Variants in SEC13 observed in about 807,000 individuals in gnomAD.
The protein encoded by SEC13 is protein SEC13 homolog.
In SEC13, 25 loss-of-function variants were observed where a neutral mutation model predicts 49.2. That is an observed-to-expected ratio of 0.51 (90% confidence interval 0.37 to 0.71). The LOEUF (loss-of-function observed/expected upper bound fraction) is 0.71, where lower values mean the gene tolerates loss of function less well. SEC13 is among the 30% of genes least tolerant of loss of function. The pLI is 0.00. For synonymous variants in SEC13, 148 were observed against 163.9 expected (o/e 0.90, Z 0.74); for missense variants, 383 against 417.6 (o/e 0.92, Z 0.72).
chr3:10,311,881 C>A (rs769198879), intron 5 of SEC13, 84 bp downstream of exon 5: 69 of 1,612,432 alleles, frequency 4.3e-5, no homozygotes, highest in Non-Finnish European at 5.9e-5. Context: ...CGGGGACCCT[C>A]CCGTGCCACC....
intron 1 of SEC13, among the ~76,000 whole-genome samples, chr3:10,318,920 T>G (rs2059712152): frequency 1.3e-5 from 2 of 152,358 alleles, no homozygotes; most frequent in South Asian, 4.1e-4. Flanking sequence ...GGTGAGCTCC[T>G]TGGAGCCATG....
chr3:10,312,020 A>G lies in SEC13; in HGVS notation c.395T>C (p.Leu132Pro). 1 of 1,614,152 alleles carries G rather than the reference A, an allele frequency of 6.2e-7. No individual in the cohort carries two copies. The highest frequency in any genetic ancestry group is 8.5e-7 in the Non-Finnish European group (1 of 1,180,018). The change falls in exon 5 of 9, where the codon CTG becomes CCG. Residue 132 changes from leucine to proline, a missense_variant. By Grantham distance (98) the Leu-to-Pro change is moderately conservative (BLOSUM62 -3). Transcript: ENST00000350697. ...CCATTGGCCTTCCCCGGTGTAAGTCAGCAGGGAGATGGCCCCATCCGAGCT... is the reference window on the plus strand; with the variant it reads ...CCATTGGCCTTCCCCGGTGTAAGTCGGCAGGGAGATGGCCCCATCCGAGCT... ...CGSSDGAISL[L>P]TYTGEGQWEV...
At chr3:10,304,304 G>C in intron 7 of SEC13, 132 bp from the exon 8 acceptor site, 3 of 790,894 alleles carry the variant, frequency 3.8e-6, no homozygotes, top group Non-Finnish European at 6.2e-6. Context: ...GGGAGCCGAG[G>C]ACCTCTGGGG....
At chr3:10,314,651 A>G (rs1040739623) in intron 3 of SEC13, among the ~76,000 whole-genome samples, 4 of 152,228 alleles carry the variant, frequency 2.6e-5, no homozygotes, top group Non-Finnish European at 5.9e-5. Context: ...CAAACCCACA[A>G]ATACGTGAAA....
At position 10,319,866 on chromosome 3, in the gene SEC13, G is replaced by A. The variant is rs1658710; in HGVS notation, c.3+1184C>T. ...AGGACGGAAGGAAGGAGGAAGGGCGGGAGAGAAAGGGAGAGGGAGAGGAAG... is the reference window on the plus strand; with the variant it reads ...AGGACGGAAGGAAGGAGGAAGGGCGAGAGAGAAAGGGAGAGGGAGAGGAAG... On this transcript the variant is annotated intron_variant, in intron 1 of 8. Transcript: ENST00000350697. Among the ~76,000 whole-genome samples the A allele has an allele frequency of 1.4e-3, 36 of 25,286 alleles. 2 individuals are homozygous for A. The highest frequency in any genetic ancestry group is 2.8e-3 in the African/African-American group (20 of 7,222). 16.6% of individuals were successfully genotyped at this position (25,286 alleles called of 152,430 possible).
chr3:10,305,302 A>AC, intron 6 of SEC13, 146 bp from the exon 7 acceptor site: 2 of 1,248,832 alleles, frequency 1.6e-6, no homozygotes, highest in Non-Finnish European at 2.1e-6. Flanking sequence ...TATTCCCTTC[A>AC]CCCCAGCTGT....
At chr3:10,319,313 A>T (rs2059722479) in intron 1 of SEC13, 2 of 1,583,650 alleles carry the variant, frequency 1.3e-6, no homozygotes, top group East Asian at 4.5e-5. Context: ...CAGGTCCCCG[A>T]AGTCTGCAAA....
chr3:10,305,803 A>C lies in SEC13; in HGVS notation c.451-111T>G. 3.3e-6 allele frequency: 4 copies of C among 1,195,896 alleles called. No individual in the cohort carries two copies. In the South Asian group the frequency reaches 5.5e-5, roughly 17 times the overall value. The allele number at this position is 1,195,896 out of a possible 1,614,324, so 74.1% of individuals were successfully genotyped here. ...CTTCTCAGGACTGGAGTGTGTGTGAAGGCTGACATGAAGCACTCATCATGG... is the reference window on the plus strand; with the variant it reads ...CTTCTCAGGACTGGAGTGTGTGTGACGGCTGACATGAAGCACTCATCATGG... On this transcript the variant is annotated intron_variant, in intron 5 of 8. Transcript: ENST00000350697.
chr3:10,303,285 G>C (rs181742409), intron 8 of SEC13, among the ~76,000 whole-genome samples: 314 of 152,274 alleles, frequency 2.1e-3, no homozygotes, highest in Non-Finnish European at 3.7e-3. Flanking sequence ...AGATGTGCCT[G>C]AAAACGCAGC....
intron 8 of SEC13, among the ~76,000 whole-genome samples, chr3:10,302,266 C>T (rs373422218): frequency 7.2e-5 from 11 of 152,200 alleles, no homozygotes; most frequent in African/African-American, 2.6e-4. Context: ...CAAAAACAAT[C>T]TAAACCTATG....
intron 2 of SEC13, among the ~76,000 whole-genome samples, chr3:10,316,366 T>C (rs1322641456): frequency 6.6e-6 from 1 of 152,202 alleles, no homozygotes; most frequent in Non-Finnish European, 1.5e-5. Context: ...ACTCATTCTG[T>C]CTGGCTCAGA....
intron 7 of SEC13, 81 bp downstream of exon 7, chr3:10,304,952 G>A: frequency 6.3e-7 from 1 of 1,599,838 alleles, no homozygotes; most frequent in Non-Finnish European, 8.5e-7. Flanking sequence ...CTTCCCAGAG[G>A]ACTTTCTGCT....
chr3:10,312,603 C>G lies in SEC13; in HGVS notation c.292G>C (p.Glu98Gln). ...CCTGAGGAGTCGTGTCCCGCATGCT[C>G]GTGGCTCTTCTCCCAGGTGCCGTTT... is the stretch of plus-strand genomic sequence containing the variant. ...EENGTWEKSH[E>Q]HAGHDSSVNS... The change falls in exon 4 of 9, where the codon GAG becomes CAG. Residue 98 changes from glutamate (E) to glutamine (Q), a missense_variant. By Grantham distance (29) the Glu-to-Gln change is conservative. Transcript: ENST00000350697. 6.2e-7 allele frequency: 1 copy of G among 1,614,168 alleles called. No homozygotes were observed. Among genetic ancestry groups the G allele is most frequent in the Non-Finnish European group, 8.5e-7 (1 of 1,180,038 alleles).
At chr3:10,313,313 G>A (rs2125273758) in intron 3 of SEC13, 1 of 407,232 alleles carries the variant, frequency 2.5e-6, no homozygotes, top group East Asian at 5.8e-5. Flanking sequence ...TCTGGCCCAG[G>A]GAAGGTTTTG....
intron 4 of SEC13, 103 bp from the exon 5 acceptor site, chr3:10,312,201 C>G (rs1216365106): frequency 6.9e-7 from 1 of 1,456,614 alleles, no homozygotes; most frequent in East Asian, 2.5e-5. Flanking sequence ...CAACAAACAA[C>G]TGTAGGAGTC....
intron 4 of SEC13, 51 bp downstream of exon 4, chr3:10,312,528 C>CT (rs764381694): frequency 1.9e-6 from 3 of 1,600,186 alleles, no homozygotes; most frequent in Middle Eastern, 1.7e-4. Context: ...GGACAGAGTC[C>CT]TTTTTTACCC....
intron 5 of SEC13, among the ~76,000 whole-genome samples, chr3:10,307,750 C>T (rs896579550): frequency 4.6e-5 from 7 of 152,106 alleles, no homozygotes; most frequent in South Asian, 2.1e-4. Flanking sequence ...ACAGCCAAAC[C>T]ACATCATGGG....
chr3:10,305,324 TC>T, intron 6 of SEC13, 168 bp from the exon 7 acceptor site: 1 of 1,158,228 alleles, frequency 8.6e-7, no homozygotes, highest in Non-Finnish European at 1.2e-6. Context: ...AAAAAAACCC[TC>T]CAGAAAATGC....
At chr3:10,304,267 T>G in intron 7 of SEC13, 95 bp from the exon 8 acceptor site, 2 of 1,301,758 alleles carry the variant, frequency 1.5e-6, no homozygotes, top group Non-Finnish European at 2.2e-6. Flanking sequence ...GGCACCTCTC[T>G]GCAGGAACAG....
Sources: gnomAD v4.1 joint callset for allele counts (sites outside exome capture counted in the v4.1 genomes callset) on GRCh38, gnomAD v4.1.1 for gene constraint, MANE v1.5 for transcripts, NCBI Gene and HGNC (gene_info 2026-07-23, HGNC 2026-07-21) for gene names.